The following STPG2 variants were observed in gnomAD, a reference collection of about 807,000 sequenced individuals.
STPG2 encodes sperm tail PG-rich repeat containing 2, also known as sperm-tail PG-rich repeat-containing protein 2.
In STPG2, 56 loss-of-function variants were observed where a neutral mutation model predicts 54.2. The ratio of observed to expected loss-of-function variants is 1.03; its 90% CI spans 0.83 to 1.29. STPG2 has a LOEUF of 1.29. Among genes scored for constraint, STPG2 ranks in the 50% most tolerant of loss-of-function variants. The pLI is 0.00. For missense variants in STPG2, 596 were observed against 544.9 expected (o/e 1.09, Z -0.93); for synonymous variants, 200 against 181.8 (o/e 1.10, Z -0.81).
At chr4:97,682,253 T>G (rs1283652587) in intron 10 of STPG2, among the ~76,000 whole-genome samples, 1 of 151,814 alleles carries the variant, frequency 6.6e-6, no homozygotes, top group Non-Finnish European at 1.5e-5. Flanking sequence ...TAACATACTG[T>G]GATAGCTTAG....
chr4:98,095,530 A>G (rs1243926313), intron 5 of STPG2, among the ~76,000 whole-genome samples: 1 of 152,248 alleles, frequency 6.6e-6, no homozygotes, highest in African/African-American at 2.4e-5. Context: ...TACTTACATC[A>G]GTCAACATGG....
intron 9 of STPG2, among the ~76,000 whole-genome samples, chr4:97,822,053 C>G (rs901721215): frequency 6.6e-6 from 1 of 152,210 alleles, no homozygotes; most frequent in Non-Finnish European, 1.5e-5. Flanking sequence ...GCTACATGGC[C>G]AGGCTGCAAA....
chr4:97,754,562 A>T (rs1180450248), intron 9 of STPG2, among the ~76,000 whole-genome samples: 1 of 152,100 alleles, frequency 6.6e-6, no homozygotes, highest in Non-Finnish European at 1.5e-5. Flanking sequence ...TAAATTTTGC[A>T]TGAGAGTCTG....
At chr4:97,630,380 G>A (rs1721236241) in intron 10 of STPG2, among the ~76,000 whole-genome samples, 1 of 151,670 alleles carries the variant, frequency 6.6e-6, no homozygotes, top group African/African-American at 2.4e-5. Flanking sequence ...ATATTAAAAA[G>A]CACTATTACA....
chr4:97,590,670 C>CAGAGAGAGAGAG (rs1733122902), intron 10 of STPG2, among the ~76,000 whole-genome samples: 1 of 150,188 alleles, frequency 6.7e-6, no homozygotes, highest in Non-Finnish European at 1.5e-5. Context: ...CACACACACA[C>CAGAGAGAGAGAG]ACAGAGAGAA....
intron 8 of STPG2, among the ~76,000 whole-genome samples, chr4:97,906,568 G>C (rs1462203814): frequency 1.3e-5 from 2 of 152,094 alleles, no homozygotes; most frequent in African/African-American, 2.4e-5. Flanking sequence ...AACCAAAAAA[G>C]AGAATTTTAG....
chr4:97,539,891 G>A (rs999030908), intron 4 of STPG2, among the ~76,000 whole-genome samples: 4 of 152,126 alleles, frequency 2.6e-5, no homozygotes, highest in Non-Finnish European at 4.4e-5. Flanking sequence ...GGTACATAAC[G>A]AAATGAAGGC....
intron 4 of STPG2, among the ~76,000 whole-genome samples, chr4:97,461,664 G>A (rs1482897067): frequency 2.6e-5 from 4 of 152,148 alleles, no homozygotes; most frequent in Non-Finnish European, 5.9e-5. Flanking sequence ...AGCCCAAACT[G>A]ACTAACAAAA....
At chr4:97,530,365 TA>T (rs1177162080) in intron 4 of STPG2, among the ~76,000 whole-genome samples, 1 of 152,224 alleles carries the variant, frequency 6.6e-6, no homozygotes, top group Non-Finnish European at 1.5e-5. Flanking sequence ...ACTGTGTAAA[TA>T]ACTGTGCGAA....
intron 4 of STPG2, among the ~76,000 whole-genome samples, chr4:97,501,644 C>T (rs934060094): frequency 1.3e-4 from 19 of 151,240 alleles, no homozygotes; most frequent in East Asian, 3.9e-4. Flanking sequence ...TCAGTGAGTT[C>T]GAGATCGTGC....
intron 10 of STPG2, among the ~76,000 whole-genome samples, chr4:97,581,226 T>C (rs1311955180): frequency 6.6e-6 from 1 of 152,018 alleles, no homozygotes; most frequent in Non-Finnish European, 1.5e-5. Flanking sequence ...TTCCATTCTC[T>C]CAGAAAGTTT....
At chr4:97,477,479 T>TG (rs1326018810) in intron 4 of STPG2, among the ~76,000 whole-genome samples, 1 of 146,738 alleles carries the variant, frequency 6.8e-6, no homozygotes, top group Non-Finnish European at 1.5e-5. Context: ...CTTTTTTGTT[T>TG]TTTTTTTTTT....
intron 4 of STPG2, among the ~76,000 whole-genome samples, chr4:97,474,445 A>C (rs540293955): frequency 6.6e-6 from 1 of 152,244 alleles, no homozygotes; most frequent in South Asian, 2.1e-4. Context: ...ATTATGTAGA[A>C]TTGCCAGCTC....
chr4:97,488,233 A>G (rs1578337809), intron 4 of STPG2, among the ~76,000 whole-genome samples: 2 of 151,770 alleles, frequency 1.3e-5, no homozygotes, highest in Admixed American at 6.6e-5. Flanking sequence ...CTTAAGAGAA[A>G]AATCAAGTAA....
chr4:97,691,389 G>T (rs1236243973), intron 10 of STPG2, among the ~76,000 whole-genome samples: 3 of 152,076 alleles, frequency 2.0e-5, no homozygotes, highest in African/African-American at 7.2e-5. Flanking sequence ...GCTGGGTGAG[G>T]CCTGTGGCTG....
chr4:97,783,574 G>C (rs1282468667), intron 9 of STPG2, among the ~76,000 whole-genome samples: 2 of 152,112 alleles, frequency 1.3e-5, no homozygotes, highest in South Asian at 2.1e-4. Context: ...CCCATTACTG[G>C]GTATATACCC....
intron 9 of STPG2, among the ~76,000 whole-genome samples, chr4:97,736,248 A>T (rs755948480): frequency 7.9e-5 from 12 of 152,244 alleles, no homozygotes; most frequent in Non-Finnish European, 1.6e-4. Flanking sequence ...CCGAATAGGA[A>T]CAGCTCCAGT....
chr4:98,068,170 T>A (rs953209588), intron 5 of STPG2, among the ~76,000 whole-genome samples: 6 of 152,316 alleles, frequency 3.9e-5, no homozygotes, highest in Admixed American at 3.9e-4. Flanking sequence ...TGATGTTCCC[T>A]CTACCTGGAA....
In STPG2 at chr4:97,937,444, CGAG is replaced by C. The variant is rs575068933; in HGVS notation, c.1044+6450_1044+6452del. On this transcript the variant is annotated intron_variant, in intron 8 of 10. Coordinates refer to ENST00000295268, the MANE Select transcript of STPG2 (RefSeq NM_174952.3). ...TGCTGAAGAGGTGTTGTGATCATTT[CGAG>C]GAGAAGAAGCACTCTGTCCTTTTGA... is the stretch of plus-strand genomic sequence containing the variant. Among the ~76,000 whole-genome samples, 198 of 152,220 alleles carry C rather than the reference CGAG, an allele frequency of 1.3e-3. 1 individual carries two copies. Among genetic ancestry groups the C allele is most frequent in the African/African-American group, 4.5e-3 (186 of 41,544 alleles).
Sources: gnomAD v4.1 joint callset for allele counts (sites outside exome capture counted in the v4.1 genomes callset) on GRCh38, gnomAD v4.1.1 for gene constraint, MANE v1.5 for transcripts, NCBI Gene and HGNC (gene_info 2026-07-23, HGNC 2026-07-21) for gene names.